RNF130: variants seen among roughly 807,000 people sequenced by gnomAD.
RNF130 encodes the protein ring finger protein 130.
In RNF130, 21 loss-of-function variants were observed where a neutral mutation model predicts 44.6. The observed-to-expected ratio is 0.47, with a 90% CI of 0.33 to 0.68. The LOEUF is 0.68. Ranked by LOEUF, RNF130 falls within the 30% of genes least tolerant of loss-of-function variation. The probability of loss-of-function intolerance (pLI) is 0.02; values close to 1 mark genes in which losing one functional copy is unlikely to be tolerated. For synonymous variants in RNF130, 214 were observed against 210.4 expected, an observed-to-expected ratio of 1.02 and a Z score of -0.15; for missense variants, 479 against 560.6, an observed-to-expected ratio of 0.85 and a Z score of 1.47.
chr5:180,043,022 G>T (rs1193239774), intron 1 of RNF130, among the ~76,000 whole-genome samples: 2 of 152,170 alleles, frequency 1.3e-5, no homozygotes, highest in Non-Finnish European at 2.9e-5. Context: ...AAAAAGCCAA[G>T]AGTAATGCTT....
intron 3 of RNF130, among the ~76,000 whole-genome samples, chr5:179,982,369 T>G (rs539711172): frequency 5.2e-4 from 79 of 152,124 alleles, no homozygotes; most frequent in Non-Finnish European, 8.8e-4. Flanking sequence ...ATTCTTTGCA[T>G]GGACATATGC....
At position 179,999,998 on chromosome 5, in the gene RNF130, C is replaced by T. The variant is rs72813785; in HGVS notation, c.693+13063G>A. ...TGTAGTGCTAAGATTTGATTCCCTT[C>T]TCTTTCTCCTTTGTGTATCTGCTCT... On this transcript the variant is annotated intron_variant, in intron 3 of 8. Coordinates refer to ENST00000521389, the MANE Select transcript of RNF130 (RefSeq NM_018434.6). Among the ~76,000 whole-genome samples, 1,024 of 152,318 alleles carry T rather than the reference C, an allele frequency of 6.7e-3. 14 individuals are homozygous for T. Among genetic ancestry groups the T allele is most frequent in the Non-Finnish European group, 9.9e-3 (675 of 68,024 alleles).
intron 1 of RNF130, 104 bp downstream of exon 1, chr5:180,071,352 G>T (rs1765257972): frequency 1.8e-6 from 2 of 1,122,516 alleles, no homozygotes; most frequent in African/African-American, 1.6e-5. Context: ...TGTCGGCCGG[G>T]CAGCGCGGGA....
At chr5:180,011,780 T>A (rs1193448720) in intron 3 of RNF130, among the ~76,000 whole-genome samples, 1 of 150,404 alleles carries the variant, frequency 6.6e-6, no homozygotes. Context: ...AAAAAAAAAG[T>A]TTTTTAAATT....
intron 1 of RNF130, among the ~76,000 whole-genome samples, chr5:180,059,916 G>C (rs1764934035): frequency 6.6e-6 from 1 of 152,156 alleles, no homozygotes; most frequent in Non-Finnish European, 1.5e-5. Flanking sequence ...GGGGGAACTA[G>C]GTTGCAGATG....
chr5:179,973,458 C>A (rs933254547), intron 5 of RNF130, among the ~76,000 whole-genome samples: 4 of 152,238 alleles, frequency 2.6e-5, no homozygotes, highest in Admixed American at 2.6e-4. Flanking sequence ...CTCGGCAAAC[C>A]ACCTTTCTGC....
chr5:179,938,957 G>C (rs1480842561), intron 7 of RNF130, among the ~76,000 whole-genome samples: 2 of 152,170 alleles, frequency 1.3e-5, no homozygotes, highest in Non-Finnish European at 2.9e-5. Flanking sequence ...GCCGGGCACA[G>C]CAGCTCACGC....
At chr5:179,935,404 C>T (rs925702016) in intron 7 of RNF130, among the ~76,000 whole-genome samples, 9 of 152,058 alleles carry the variant, frequency 5.9e-5, no homozygotes, top group African/African-American at 2.2e-4. Context: ...ACATTCAAAT[C>T]TTCTAGATCC....
Position 179,974,232 on chromosome 5 carries a change from G to A in RNF130, c.849-3726C>T, listed in dbSNP as rs552406179. Among the ~76,000 whole-genome samples, 42 of 152,290 alleles carry A rather than the reference G, an allele frequency of 2.8e-4. No individual in the cohort carries two copies. The East Asian group carries it at 3.9e-3, about 14-fold the overall frequency. On this transcript the variant is annotated intron_variant, in intron 5 of 8. Transcript: ENST00000521389. ...CAGTGGAGCCTCAGACATCTGCAGCGGCCGGCCCCCCGCTTTAGCTCCTGA... is the reference window on the plus strand; with the variant it reads ...CAGTGGAGCCTCAGACATCTGCAGCAGCCGGCCCCCCGCTTTAGCTCCTGA...
At chr5:180,038,016 A>G (rs1764287967) in intron 2 of RNF130, among the ~76,000 whole-genome samples, 1 of 152,200 alleles carries the variant, frequency 6.6e-6, no homozygotes, top group Admixed American at 6.5e-5. Flanking sequence ...GGTTTGGGAA[A>G]CACTAGATTA....
At chr5:179,981,400 T>C (rs1762836378) in intron 3 of RNF130, among the ~76,000 whole-genome samples, 1 of 152,134 alleles carries the variant, frequency 6.6e-6, no homozygotes, top group South Asian at 2.1e-4. Context: ...ACGGACACCT[T>C]AAGAATGTTA....
intron 3 of RNF130, among the ~76,000 whole-genome samples, chr5:180,004,448 A>G (rs1763417951): frequency 1.3e-5 from 2 of 152,196 alleles, no homozygotes; most frequent in East Asian, 3.8e-4. Context: ...TGAAGTTACT[A>G]AAAGTATTCG....
intron 7 of RNF130, among the ~76,000 whole-genome samples, chr5:179,944,446 C>A (rs1298166938): frequency 6.6e-6 from 1 of 151,918 alleles, no homozygotes; most frequent in East Asian, 1.9e-4. Context: ...ATTAACGCTC[C>A]AATTTTCTCA....
exon 8 of RNF130, chr5:179,914,523 C>T (rs1163340700): frequency 6.6e-6 from 1 of 152,346 alleles, no homozygotes; most frequent in Non-Finnish European, 1.5e-5. Flanking sequence ...CTGGGTGGTC[C>T]CAGCCCCACT....
At chr5:179,944,028 A>G (rs1439307936) in intron 7 of RNF130, among the ~76,000 whole-genome samples, 11 of 151,068 alleles carry the variant, frequency 7.3e-5, no homozygotes, top group African/African-American at 2.7e-4. Flanking sequence ...CTGGAGTGCA[A>G]CGGCGCGATC....
In RNF130 at chr5:180,070,501, C is replaced by A. The variant is rs184131791; in HGVS notation, c.247+955G>T. 9.8e-5 allele frequency among the ~76,000 whole-genome samples: 15 copies of A among 152,298 alleles called. 1 individual carries two copies. The highest frequency in any genetic ancestry group is 9.8e-4 in the Admixed American group (15 of 15,292). ...GTATCTTAAGAGTGTACAAGCAAAT[C>A]ATGACTTTATTTAGGTTGCCTACTT... On this transcript the variant is annotated intron_variant, in intron 1 of 8. Transcript: ENST00000521389.
intron 3 of RNF130, among the ~76,000 whole-genome samples, chr5:179,994,784 G>A (rs1398970022): frequency 6.6e-6 from 1 of 152,192 alleles, no homozygotes; most frequent in Non-Finnish European, 1.5e-5. Context: ...ATGTTGTAAT[G>A]GGCTGTGTGG....
intron 2 of RNF130, among the ~76,000 whole-genome samples, chr5:180,017,250 A>AT (rs1455566125): frequency 6.6e-6 from 1 of 152,234 alleles, no homozygotes; most frequent in African/African-American, 2.4e-5. Flanking sequence ...TCTAGTAAGA[A>AT]TACCACAAGG....
In RNF130 at chr5:180,071,733, A is replaced by C; in HGVS notation, c.-31T>G. 8.3e-7 allele frequency: 1 copy of C among 1,204,316 alleles called. No homozygotes were observed. Among genetic ancestry groups the C allele is most frequent in the Non-Finnish European group, 1.0e-6 (1 of 972,148 alleles). 74.6% of individuals were successfully genotyped at this position (1,204,316 alleles called of 1,614,324 possible). A position where few individuals can be genotyped will look rare whatever the true frequency, so the allele number is the denominator to read the frequency against. On this transcript the variant is annotated 5_prime_UTR_variant, in exon 1 of 9. Coordinates refer to ENST00000521389, the MANE Select transcript of RNF130 (RefSeq NM_018434.6). ...CTCCGGCAGCCGCCGCTGCTCGCGG[A>C]CCGGGCTCCGGGGCCGGCGCCTAGA...
Sources: gnomAD v4.1 joint callset for allele counts (sites outside exome capture counted in the v4.1 genomes callset) on GRCh38, gnomAD v4.1.1 for gene constraint, MANE v1.5 for transcripts, NCBI Gene and HGNC (gene_info 2026-07-23, HGNC 2026-07-21) for gene names.